Variants in PCDHA2 observed in about 807,000 individuals in gnomAD.
The protein encoded by PCDHA2 is protocadherin alpha-2.
In PCDHA2, 58 loss-of-function variants were observed where a neutral mutation model predicts 66.0. The observed-to-expected ratio is 0.88, with a 90% CI of 0.71 to 1.09. PCDHA2 has a LOEUF of 1.09. PCDHA2 is among the 50% of genes least tolerant of loss of function. The pLI, the probability that PCDHA2 is intolerant of heterozygous loss-of-function variation, is 0.00. For missense variants in PCDHA2, 1,267 were observed against 1,242.3 expected, an observed-to-expected ratio of 1.02 and a Z score of -0.30; for synonymous variants, 634 against 554.0, an observed-to-expected ratio of 1.14 and a Z score of -2.03.
intron 1 of PCDHA2, among the ~76,000 whole-genome samples, chr5:140,888,210 T>C (rs1395913579): frequency 6.6e-6 from 1 of 152,082 alleles, no homozygotes; most frequent in East Asian, 1.9e-4. Flanking sequence ...ATGCTGGATT[T>C]TGTGTGTGTG....
chr5:140,880,309 A>G (rs2058299906), intron 1 of PCDHA2, among the ~76,000 whole-genome samples: 1 of 152,236 alleles, frequency 6.6e-6, no homozygotes. Flanking sequence ...TGAAAGAAAC[A>G]AGTAAAAAAT....
chr5:140,843,813 T>A, intron 1 of PCDHA2: 3 of 1,270,692 alleles, frequency 2.4e-6, no homozygotes, highest in Non-Finnish European at 3.3e-6. Flanking sequence ...TATTTTATAG[T>A]GAAAATTTAA....
chr5:140,927,420 G>A (rs782549245), intron 1 of PCDHA2: 5 of 1,614,108 alleles, frequency 3.1e-6, no homozygotes, highest in Non-Finnish European at 4.2e-6. Flanking sequence ...TGGGATCGCG[G>A]GTTGACGGCA....
rs782079089 is a variant in PCDHA2, at chr5:141,009,663, C to T, written c.2573C>T (p.Ala858Val). 4 of 1,614,034 alleles carry T rather than the reference C, an allele frequency of 2.5e-6. No individual in the cohort carries two copies. Among genetic ancestry groups the T allele is most frequent in the East Asian group, 2.2e-5 (1 of 44,876 alleles). ...GGAGAAGTGTCCCCTCCAGTCGGTG[C>T]GGGTGTCAACAGCAACAGCTGGACC... Reference protein sequence around the residue: ...EAGEVSPPVGAGVNSNSWTFK... With the variant: ...EAGEVSPPVGVGVNSNSWTFK... Residue 858 changes from alanine to valine, a missense_variant, in exon 4 of 4, where the codon GCG (alanine) becomes GTG (valine). Transcript: ENST00000526136.
intron 1 of PCDHA2, chr5:140,807,551 G>C (rs1209745292): frequency 3.7e-6 from 6 of 1,614,086 alleles, no homozygotes; most frequent in Non-Finnish European, 5.1e-6. Context: ...TGTGGACGTG[G>C]AGGTGAGGGA....
rs1013042375 is a variant in PCDHA2 at position 140,823,776 on chromosome 5, G to C, written c.2388+26424G>C. The C allele has an allele frequency of 3.1e-6, 5 of 1,613,732 alleles. No homozygotes were observed. The African/African-American group carries it at 6.7e-5, about 22-fold the overall frequency. ...CAGCCACAGCCACAGTGCTGGTGTC[G>C]CTGGTGGAAAGTGGCCAGGCGCCGA... On this transcript the variant is annotated intron_variant, in intron 1 of 3. Coordinates refer to ENST00000526136, the MANE Select transcript of PCDHA2 (RefSeq NM_018905.3).
At chr5:140,973,628 T>G (rs1005772685) in intron 1 of PCDHA2, among the ~76,000 whole-genome samples, 13 of 152,250 alleles carry the variant, frequency 8.5e-5, no homozygotes, top group Admixed American at 2.6e-4. Context: ...TTCTGTATCT[T>G]GTACACATTC....
intron 3 of PCDHA2, 94 bp from the exon 4 acceptor site, chr5:141,009,533 G>C: frequency 1.3e-6 from 2 of 1,509,446 alleles, no homozygotes; most frequent in Non-Finnish European, 1.8e-6. Context: ...GGGAGGTTCA[G>C]CCTGCCTATG....
chr5:140,882,270 T>C lies in PCDHA2; in HGVS notation c.2388+84918T>C, dbSNP rs782125538. ...GCTCTGAGGTTTTTGGAGTGTACCA[T>C]GCTGTCTTCCTGGCAAGGAGGCCCA... On this transcript the variant is annotated intron_variant, in intron 1 of 3. Coordinates refer to ENST00000526136, the MANE Select transcript of PCDHA2 (RefSeq NM_018905.3). 35 of 1,611,468 alleles carry C rather than the reference T, an allele frequency of 2.2e-5. 1 individual carries two copies. The South Asian group carries it at 3.9e-4, about 18-fold the overall frequency.
Position 140,835,629 on chromosome 5 carries a change from G to GA in PCDHA2, c.2388+38278dup, listed in dbSNP as rs2150239945. The GA allele has an allele frequency of 2.5e-6, 4 of 1,613,910 alleles. No homozygotes were observed. The East Asian group carries it at 6.7e-5, about 27-fold the overall frequency. ...GGTGCTGGACAGCGCTCTGGACCGC[G>GA]AGAGTGTGTCCGCCTATGAGCTGGT... is the stretch of plus-strand genomic sequence containing the variant. On this transcript the variant is annotated intron_variant, in intron 1 of 3. Transcript: ENST00000526136.
chr5:140,882,566 G>A, intron 1 of PCDHA2: 1 of 1,614,252 alleles, frequency 6.2e-7, no homozygotes, highest in Non-Finnish European at 8.5e-7. Context: ...TGGGCGGAGC[G>A]CGGAGTGCAG....
rs185908462 is a variant in PCDHA2 at position 140,840,862 on chromosome 5, T to C, written c.2388+43510T>C. Among the ~76,000 whole-genome samples, 246 of 152,114 alleles carry C rather than the reference T, an allele frequency of 1.6e-3. 2 individuals carry two copies. The highest frequency in any genetic ancestry group is 5.6e-3 in the African/African-American group (234 of 41,462). ...AATGCATTTCTTCCACACGAAACTA[T>C]GGAGGACAGTTTACATTTCTGATAT... On this transcript the variant is annotated intron_variant, in intron 1 of 3. Transcript: ENST00000526136.
At chr5:140,976,286 C>G (rs1554237455) in intron 1 of PCDHA2, among the ~76,000 whole-genome samples, 2 of 152,098 alleles carry the variant, frequency 1.3e-5, no homozygotes, top group African/African-American at 2.4e-5. Flanking sequence ...CACAGTGGCT[C>G]AAGCCTGTAA....
At chr5:140,836,658 T>C (rs2150267080) in intron 1 of PCDHA2, 1 of 1,613,298 alleles carries the variant, frequency 6.2e-7, no homozygotes, top group South Asian at 1.1e-5. Flanking sequence ...GCAGAGGGTG[T>C]GCTCTGGGGA....
At chr5:140,859,558 A>G (rs1554152480) in intron 1 of PCDHA2, 1 of 177,480 alleles carries the variant, frequency 5.6e-6, no homozygotes, top group African/African-American at 2.4e-5. Flanking sequence ...CCAAACACCA[A>G]TGCCATGAAT....
chr5:140,981,024 A>G (rs2096915063), intron 2 of PCDHA2, among the ~76,000 whole-genome samples: 2 of 152,112 alleles, frequency 1.3e-5, no homozygotes, highest in Admixed American at 6.5e-5. Flanking sequence ...AAGGCTGTTA[A>G]TATTTGGGGA....
rs139246881 is a variant in PCDHA2, at chr5:140,834,444, C to A, written c.2388+37092C>A. 16 of 1,613,902 alleles carry A rather than the reference C, an allele frequency of 9.9e-6. No individual in the cohort carries two copies. The African/African-American group carries it at 2.1e-4, about 22-fold the overall frequency. On this transcript the variant is annotated intron_variant, in intron 1 of 3. Coordinates refer to ENST00000526136, the MANE Select transcript of PCDHA2 (RefSeq NM_018905.3). ...ACATCTACTGCTGTTTATTATAATT[C>A]TAGCAGCTTGGGAGGCAGGGAGAGG... is the stretch of plus-strand genomic sequence containing the variant.
chr5:140,895,841 C>T (rs1389575745), intron 1 of PCDHA2, among the ~76,000 whole-genome samples: 1 of 152,092 alleles, frequency 6.6e-6, no homozygotes, highest in Admixed American at 6.6e-5. Flanking sequence ...GACAAAGTCT[C>T]ACTCTTGTAC....
At position 140,974,381 on chromosome 5, in the gene PCDHA2, G is replaced by A. The variant is rs782006620; in HGVS notation, c.2389-4568G>A. 3.3e-5 allele frequency among the ~76,000 whole-genome samples: 5 copies of A among 152,272 alleles called. No homozygotes were observed. In the East Asian group the frequency reaches 7.7e-4, roughly 23 times the overall value. On this transcript the variant is annotated intron_variant, in intron 1 of 3. Transcript: ENST00000526136. ...AGACCTAGCACTTTCTGTTGTACTG[G>A]AACCCATTAGGTATGTTCTAAAGTT...
Sources: gnomAD v4.1 joint callset for allele counts (sites outside exome capture counted in the v4.1 genomes callset) on GRCh38, gnomAD v4.1.1 for gene constraint, MANE v1.5 for transcripts, NCBI Gene and HGNC (gene_info 2026-07-23, HGNC 2026-07-21) for gene names.